ARL8B: variants seen among roughly 807,000 people sequenced by gnomAD.
The protein encoded by ARL8B is ADP-ribosylation factor-like protein 8B.
In ARL8B, 9 loss-of-function variants were observed where a neutral mutation model predicts 30.6. That is an observed-to-expected ratio of 0.29 (90% confidence interval 0.18 to 0.51). ARL8B has a LOEUF of 0.51. ARL8B is among the 20% of genes least tolerant of loss of function. The pLI, the probability that ARL8B is intolerant of heterozygous loss-of-function variation, is 0.97. For missense variants in ARL8B, 130 were observed against 227.2 expected, an observed-to-expected ratio of 0.57 and a Z score of 2.75; for synonymous variants, 74 against 76.0, an observed-to-expected ratio of 0.97 and a Z score of 0.14.
At chr3:5,129,900 A>G (rs982042899) in intron 1 of ARL8B, among the ~76,000 whole-genome samples, 14 of 152,010 alleles carry the variant, frequency 9.2e-5, no homozygotes, top group African/African-American at 2.7e-4. Flanking sequence ...GTCTTGCTCT[A>G]TCACCCAGGC....
At chr3:5,177,401 T>A (rs1039129091) in intron 6 of ARL8B, among the ~76,000 whole-genome samples, 1 of 152,224 alleles carries the variant, frequency 6.6e-6, no homozygotes, top group African/African-American at 2.4e-5. Context: ...CATTTGTCTT[T>A]AGGATATGAA....
intron 1 of ARL8B, among the ~76,000 whole-genome samples, chr3:5,124,981 A>G (rs2054217995): frequency 6.6e-6 from 1 of 152,114 alleles, no homozygotes; most frequent in African/African-American, 2.4e-5. Context: ...GAACTCTAAA[A>G]AGTTGAGCAA....
At chr3:5,131,285 A>G (rs745544003) in intron 1 of ARL8B, among the ~76,000 whole-genome samples, 3 of 152,188 alleles carry the variant, frequency 2.0e-5, no homozygotes, top group Admixed American at 6.5e-5. Context: ...AATAGTTCTT[A>G]TCAGAGGAAA....
chr3:5,168,649 T>C (rs1193700839), intron 1 of ARL8B, among the ~76,000 whole-genome samples: 1 of 152,234 alleles, frequency 6.6e-6, no homozygotes, highest in Non-Finnish European at 1.5e-5. Flanking sequence ...AAACTTTACC[T>C]CCAATAGGGA....
chr3:5,148,477 C>T (rs1378037778), intron 1 of ARL8B, among the ~76,000 whole-genome samples: 1 of 152,166 alleles, frequency 6.6e-6, no homozygotes, highest in Non-Finnish European at 1.5e-5. Context: ...CTCTAACCCT[C>T]CTGCTGCCCC....
intron 1 of ARL8B, among the ~76,000 whole-genome samples, chr3:5,141,402 G>A (rs2054372103): frequency 6.6e-6 from 1 of 152,060 alleles, no homozygotes; most frequent in Non-Finnish European, 1.5e-5. Flanking sequence ...GTTTATTTTG[G>A]TTTCTAATAG....
At position 5,137,797 on chromosome 3, in the gene ARL8B, C is replaced by G. The variant is rs201896019; in HGVS notation, c.123+15209C>G. 1.6e-4 allele frequency among the ~76,000 whole-genome samples: 25 copies of G among 152,012 alleles called. No individual in the cohort carries two copies. In the East Asian group the frequency reaches 4.8e-3, roughly 29 times the overall value. ...TGGCGACAGGATCTCACTGTGTTGC[C>G]CAGGCTGGTTCAAACTCCCGGCCTC... is the stretch of plus-strand genomic sequence containing the variant. On this transcript the variant is annotated intron_variant, in intron 1 of 6. Coordinates refer to ENST00000256496, the MANE Select transcript of ARL8B (RefSeq NM_018184.3).
intron 1 of ARL8B, among the ~76,000 whole-genome samples, chr3:5,153,292 G>A (rs903972113): frequency 2.0e-5 from 3 of 152,158 alleles, no homozygotes; most frequent in Non-Finnish European, 4.4e-5. Context: ...GGAGGAACCT[G>A]GTGGGAGGTG....
intron 1 of ARL8B, among the ~76,000 whole-genome samples, chr3:5,142,315 G>C (rs1418490408): frequency 6.6e-6 from 1 of 152,170 alleles, no homozygotes; most frequent in Non-Finnish European, 1.5e-5. Flanking sequence ...TATCTAGAGA[G>C]GCAAGAGGAG....
chr3:5,135,299 A>T (rs1399956565), intron 1 of ARL8B, among the ~76,000 whole-genome samples: 5 of 149,872 alleles, frequency 3.3e-5, no homozygotes, highest in African/African-American at 9.9e-5. Flanking sequence ...TTATTTATTT[A>T]TTTTTTTTTG....
At chr3:5,164,617 T>G (rs1483088152) in intron 1 of ARL8B, among the ~76,000 whole-genome samples, 1 of 152,236 alleles carries the variant, frequency 6.6e-6, no homozygotes, top group Non-Finnish European at 1.5e-5. Context: ...AGTATGTAGT[T>G]TCTAAGATTA....
chr3:5,130,556 T>A (rs533832855), intron 1 of ARL8B, among the ~76,000 whole-genome samples: 1 of 151,284 alleles, frequency 6.6e-6, no homozygotes, highest in African/African-American at 2.4e-5. Flanking sequence ...GGCGGGGGGA[T>A]GGAATCTTGC....
intron 1 of ARL8B, among the ~76,000 whole-genome samples, chr3:5,143,516 T>C (rs1338403070): frequency 6.6e-6 from 1 of 152,212 alleles, no homozygotes; most frequent in Non-Finnish European, 1.5e-5. Context: ...GTAGCACAGG[T>C]GATCCATGCA....
chr3:5,174,328 T>G lies in ARL8B; in HGVS notation c.441-16T>G, dbSNP rs761467746. The G allele has an allele frequency of 5.1e-6, 8 of 1,563,750 alleles. No individual in the cohort carries two copies. The South Asian group carries it at 6.7e-5, about 13-fold the overall frequency. ...CTGTTCTAAGCACAGACTTATCCTT[T>G]TAATTCTTCTCATAGGAATCTGTCT... On this transcript the variant is annotated splice_polypyrimidine_tract_variant and intron_variant, in intron 5 of 6. Coordinates refer to ENST00000256496, the MANE Select transcript of ARL8B (RefSeq NM_018184.3).
At chr3:5,128,335 T>TA (rs2054250746) in intron 1 of ARL8B, 10 of 342,828 alleles carry the variant, frequency 2.9e-5, no homozygotes, top group South Asian at 2.3e-4. Flanking sequence ...AGTCTTCCAA[T>TA]AAGGTGGTCT....
At chr3:5,154,540 G>A (rs148524778) in intron 1 of ARL8B, among the ~76,000 whole-genome samples, 1 of 151,956 alleles carries the variant, frequency 6.6e-6, no homozygotes, top group African/African-American at 2.4e-5. Context: ...CACTATGTTG[G>A]CCAGGTTGTG....
At chr3:5,153,690 TTTA>T (rs2054507516) in intron 1 of ARL8B, among the ~76,000 whole-genome samples, 1 of 152,136 alleles carries the variant, frequency 6.6e-6, no homozygotes, top group Non-Finnish European at 1.5e-5. Flanking sequence ...GGGAGAAGAG[TTTA>T]TTATATTTAC....
intron 1 of ARL8B, among the ~76,000 whole-genome samples, chr3:5,144,599 C>T (rs2054402847): frequency 6.6e-6 from 1 of 152,144 alleles, no homozygotes; most frequent in African/African-American, 2.4e-5. Context: ...TTTGTGTGAC[C>T]CCTATCCTAA....
intron 1 of ARL8B, among the ~76,000 whole-genome samples, chr3:5,143,134 G>GC (rs2054389156): frequency 6.6e-6 from 1 of 152,158 alleles, no homozygotes; most frequent in African/African-American, 2.4e-5. Context: ...GTGAGACCTG[G>GC]CAGGCATCGA....
Sources: allele counts gnomAD v4.1 joint callset (sites outside exome capture counted in the v4.1 genomes callset), GRCh38; gene constraint gnomAD v4.1.1; transcripts MANE v1.5; gene names NCBI Gene and HGNC (gene_info 2026-07-23, HGNC 2026-07-21).